The following USP28 variants were observed in gnomAD, a reference collection of about 807,000 sequenced individuals.
USP28 encodes ubiquitin specific peptidase 28.
Under a neutral mutation model 145.0 loss-of-function variants are expected in USP28, and 113 were observed. The ratio of observed to expected loss-of-function variants is 0.78; its 90% CI spans 0.67 to 0.91. The LOEUF (loss-of-function observed/expected upper bound fraction) is 0.91, where lower values mean the gene tolerates loss of function less well. Ranked by LOEUF, USP28 falls within the 40% of genes least tolerant of loss-of-function variation. USP28 has a pLI of 0.00. For synonymous variants in USP28, 447 were observed against 450.9 expected (o/e 0.99, Z 0.11); for missense variants, 1,201 against 1,289.6 (o/e 0.93, Z 1.05).
At chr11:113,836,033 G>A (rs578120506) in intron 5 of USP28, among the ~76,000 whole-genome samples, 1 of 152,118 alleles carries the variant, frequency 6.6e-6, no homozygotes, top group Admixed American at 6.5e-5. Context: ...AGCCGAGATC[G>A]CACCATTGCA....
chr11:113,874,608 C>T, intron 1 of USP28: 1 of 1,288,272 alleles, frequency 7.8e-7, no homozygotes, highest in Non-Finnish European at 1.0e-6. Context: ...TTCCCGTTTT[C>T]TCTTGAAAAA....
intron 3 of USP28, 74 bp downstream of exon 3, chr11:113,852,427 G>T: frequency 6.4e-7 from 1 of 1,572,754 alleles, no homozygotes; most frequent in Non-Finnish European, 8.7e-7. Flanking sequence ...TGATTGACAG[G>T]GAACTCACAT....
At chr11:113,831,404 C>T (rs1001510571) in intron 8 of USP28, among the ~76,000 whole-genome samples, 1 of 152,168 alleles carries the variant, frequency 6.6e-6, no homozygotes, top group Non-Finnish European at 1.5e-5. Flanking sequence ...CGTTGAGTTG[C>T]CGTTTCCAAA....
At chr11:113,811,316 C>A (rs1346575069) in intron 16 of USP28, among the ~76,000 whole-genome samples, 1 of 152,104 alleles carries the variant, frequency 6.6e-6, no homozygotes, top group Non-Finnish European at 1.5e-5. Flanking sequence ...AAGTAAAGTA[C>A]CAATATAAAT....
chr11:113,840,251 A>T (rs1945048062), intron 5 of USP28, among the ~76,000 whole-genome samples: 1 of 152,062 alleles, frequency 6.6e-6, no homozygotes, highest in Non-Finnish European at 1.5e-5. Flanking sequence ...TCCTTCCATG[A>T]CTTCTGCCAC....
At chr11:113,869,215 CG>C (rs1948582296) in intron 1 of USP28, among the ~76,000 whole-genome samples, 1 of 152,118 alleles carries the variant, frequency 6.6e-6, no homozygotes, top group Non-Finnish European at 1.5e-5. Context: ...GACGGATCAC[CG>C]GAGGTCAGGT....
chr11:113,874,277 C>T (rs972695432), intron 1 of USP28, among the ~76,000 whole-genome samples: 9 of 151,354 alleles, frequency 5.9e-5, no homozygotes, highest in Admixed American at 5.9e-4. Flanking sequence ...TATGGTGAAA[C>T]CCCGACTCTA....
intron 8 of USP28, among the ~76,000 whole-genome samples, chr11:113,831,203 TCA>T (rs1033059648): frequency 1.3e-5 from 2 of 151,996 alleles, no homozygotes; most frequent in African/African-American, 4.8e-5. Flanking sequence ...AATAGTGGAG[TCA>T]CACATGCAGA....
At position 113,815,139 on chromosome 11, in the gene USP28, G is replaced by A. The variant is rs778396570; in HGVS notation, c.1672+35C>T. The A allele has an allele frequency of 2.5e-6, 4 of 1,591,590 alleles. No individual in the cohort carries two copies. The Admixed American group carries it at 5.1e-5, about 20-fold the overall frequency. On this transcript the variant is annotated intron_variant, in intron 14 of 24. Coordinates refer to ENST00000003302, the Ensembl canonical transcript of USP28. ...TCCAAATAGTCAAAAAACAGAAAAA[G>A]CAAAGAGTAACTGACAAATTTTAAA... is the stretch of plus-strand genomic sequence containing the variant.
chr11:113,840,532 C>A lies in USP28; in HGVS notation c.534+66G>T. On this transcript the variant is annotated intron_variant, in intron 5 of 24. Transcript: ENST00000003302. ...TAATCCTTTGAAAGCTATGTTTCTACATTTCAGTTTAATAAATTACAAAGT... is the reference window on the plus strand; with the variant it reads ...TAATCCTTTGAAAGCTATGTTTCTAAATTTCAGTTTAATAAATTACAAAGT... The A allele has an allele frequency of 3.9e-6, 6 of 1,549,418 alleles. No individual in the cohort carries two copies. In the South Asian group the frequency reaches 4.9e-5, roughly 13 times the overall value.
intron 24 of USP28, among the ~76,000 whole-genome samples, chr11:113,801,124 G>A (rs1161933058): frequency 6.6e-6 from 1 of 152,226 alleles, no homozygotes; most frequent in African/African-American, 2.4e-5. Flanking sequence ...GATTACAGGT[G>A]TGAGCCACTG....
At position 113,852,450 on chromosome 11, in the gene USP28, T is replaced by C. The variant is rs778811524; in HGVS notation, c.268+51A>G. The stretch of plus-strand genomic sequence containing the variant: ...AGGGAACTCACATATACTTGGTTTG[T>C]TATTTTCTGCTAGTTCAGCAAAGGA... On this transcript the variant is annotated intron_variant, in intron 3 of 24. Coordinates refer to ENST00000003302, the Ensembl canonical transcript of USP28. The C allele has an allele frequency of 9.3e-6, 15 of 1,609,056 alleles. No homozygotes were observed. In the South Asian group the frequency reaches 1.7e-4, roughly 18 times the overall value.
intron 3 of USP28, 100 bp downstream of exon 3, chr11:113,852,401 T>A (rs1343345273): frequency 2.7e-6 from 4 of 1,466,268 alleles, no homozygotes; most frequent in Non-Finnish European, 3.7e-6. Context: ...TTACTATTAT[T>A]TTCAAAGGGC....
chr11:113,849,638 G>C (rs1194017359), intron 3 of USP28, among the ~76,000 whole-genome samples: 1 of 152,134 alleles, frequency 6.6e-6, no homozygotes, highest in African/African-American at 2.4e-5. Flanking sequence ...AAATCCCTTA[G>C]ATGTGTTGAT....
rs1036505637 is a variant in USP28, at chr11:113,834,232, C to A, written c.621+17G>T. The A allele has an allele frequency of 6.3e-7, 1 of 1,597,002 alleles. No individual in the cohort carries two copies. The highest frequency in any genetic ancestry group is 8.5e-7 in the Non-Finnish European group (1 of 1,169,938). Reference sequence around the variant, plus strand: ...GGGACTAAACAACAGTGAAGAAATTCCTTGACACCAACTTACTGTATGACT... The same window carrying A: ...GGGACTAAACAACAGTGAAGAAATTACTTGACACCAACTTACTGTATGACT... On this transcript the variant is annotated intron_variant, in intron 6 of 24. Transcript: ENST00000003302.
chr11:113,874,790 T>C (rs1949206426), intron 1 of USP28: 2 of 1,118,182 alleles, frequency 1.8e-6, no homozygotes, highest in South Asian at 2.1e-5. Context: ...AGTCCTTATA[T>C]TGATTTCAAT....
intron 3 of USP28, among the ~76,000 whole-genome samples, chr11:113,843,529 G>A (rs1945442702): frequency 6.6e-6 from 1 of 151,664 alleles, no homozygotes; most frequent in Non-Finnish European, 1.5e-5. Flanking sequence ...AAATTAGCCA[G>A]GCGCGGTGGT....
chr11:113,874,157 A>AG lies in USP28; in HGVS notation c.57+1287_57+1288insC, dbSNP rs1168924471. 2.7e-5 allele frequency among the ~76,000 whole-genome samples: 4 copies of AG among 146,970 alleles called. No individual in the cohort carries two copies. In the East Asian group the frequency reaches 8.0e-4, roughly 29 times the overall value. ...CTCCGTCTGGAAAAAAAAAAAAAAAAAAAGTGCGTCCAGACTGGGCGCGGT... is the reference window on the plus strand; with the variant it reads ...CTCCGTCTGGAAAAAAAAAAAAAAAAGAAAGTGCGTCCAGACTGGGCGCGGT... On this transcript the variant is annotated intron_variant, in intron 1 of 24. Coordinates refer to ENST00000003302, the Ensembl canonical transcript of USP28.
intron 13 of USP28, among the ~76,000 whole-genome samples, chr11:113,816,515 A>T (rs562634847): frequency 6.6e-6 from 1 of 152,102 alleles, no homozygotes; most frequent in Admixed American, 6.5e-5. Flanking sequence ...CCATCTCAAA[A>T]AAACAAACAA....
Sources: gnomAD v4.1 joint callset for allele counts (sites outside exome capture counted in the v4.1 genomes callset) on GRCh38, gnomAD v4.1.1 for gene constraint, MANE v1.5 for transcripts, NCBI Gene and HGNC (gene_info 2026-07-23, HGNC 2026-07-21) for gene names.